Variants in DBF4 observed in about 807,000 individuals in gnomAD.
DBF4 encodes protein DBF4 homolog A.
Under a neutral mutation model 76.6 loss-of-function variants are expected in DBF4, and 25 were observed. That is an observed-to-expected ratio of 0.33 (90% CI 0.24 to 0.46). The LOEUF (loss-of-function observed/expected upper bound fraction) is 0.46. Ranked by LOEUF, DBF4 falls within the 20% of genes least tolerant of loss-of-function variation. The pLI, the probability that DBF4 is intolerant of heterozygous loss-of-function variation, is 1.00. For missense variants in DBF4, 638 were observed against 760.8 expected, an observed-to-expected ratio of 0.84 and a Z score of 1.90; for synonymous variants, 213 against 258.0, an observed-to-expected ratio of 0.83 and a Z score of 1.67.
intron 6 of DBF4, among the ~76,000 whole-genome samples, chr7:87,895,151 C>T (rs1259729406): frequency 6.6e-6 from 1 of 152,048 alleles, no homozygotes; most frequent in Non-Finnish European, 1.5e-5. Context: ...ACATGTTCTG[C>T]TATTGAGCTT....
intron 2 of DBF4, 150 bp downstream of exon 2, chr7:87,878,375 A>T: frequency 1.6e-6 from 1 of 643,432 alleles, no homozygotes; most frequent in Non-Finnish European, 2.6e-6. Context: ...ACAAAAAACC[A>T]TTTGTTTTAA....
intron 8 of DBF4, 117 bp downstream of exon 8, chr7:87,897,456 A>T (rs1839670599): frequency 1.9e-5 from 17 of 879,194 alleles, no homozygotes; most frequent in Non-Finnish European, 2.9e-5. Flanking sequence ...GATTTATATT[A>T]TACTAATGTG....
Position 87,891,882 on chromosome 7 carries a change from T to C in DBF4, c.597+3823T>C, listed in dbSNP as rs551577109. Among the ~76,000 whole-genome samples, 3 of 152,232 alleles carry C rather than the reference T, an allele frequency of 2.0e-5. No individual in the cohort carries two copies. In the South Asian group the frequency reaches 6.2e-4, roughly 31 times the overall value. On this transcript the variant is annotated intron_variant, in intron 6 of 11. Transcript: ENST00000265728. Reference sequence around the variant, plus strand: ...TCATTGATTTGAGACCTTTCTTTTATCTTAATGCTATAAATTTTCTTTAAG... The same window carrying C: ...TCATTGATTTGAGACCTTTCTTTTACCTTAATGCTATAAATTTTCTTTAAG...
intron 11 of DBF4, 97 bp downstream of exon 11, chr7:87,904,513 T>C: frequency 1.4e-6 from 2 of 1,398,970 alleles, no homozygotes; most frequent in Non-Finnish European, 1.9e-6. Flanking sequence ...GCTGAGGCAG[T>C]TGGATCACTT....
chr7:87,887,641 G>A (rs976465412), intron 5 of DBF4, among the ~76,000 whole-genome samples: 2 of 152,164 alleles, frequency 1.3e-5, no homozygotes, highest in Non-Finnish European at 2.9e-5. Context: ...TCTTGTTGGT[G>A]GAGACTCTGC....
chr7:87,894,084 C>G (rs1215520270), intron 6 of DBF4, among the ~76,000 whole-genome samples: 1 of 152,204 alleles, frequency 6.6e-6, no homozygotes, highest in Non-Finnish European at 1.5e-5. Context: ...TCCCCACCAA[C>G]CTTTATGCCA....
chr7:87,896,637 G>T, intron 7 of DBF4, 127 bp downstream of exon 7: 1 of 770,800 alleles, frequency 1.3e-6, no homozygotes, highest in Non-Finnish European at 2.0e-6. Context: ...ATAGAACATA[G>T]ATCCTTGGTG....
intron 6 of DBF4, chr7:87,888,404 T>A: frequency 1.2e-6 from 1 of 805,786 alleles, no homozygotes; most frequent in Non-Finnish European, 1.5e-6. Flanking sequence ...TATAAATATG[T>A]ACTATCCTTT....
intron 6 of DBF4, among the ~76,000 whole-genome samples, chr7:87,892,882 T>C (rs1839529075): frequency 6.6e-6 from 1 of 152,268 alleles, no homozygotes; most frequent in Non-Finnish European, 1.5e-5. Context: ...AATTCTGTTA[T>C]GGCCATATAA....
rs769225808 is a variant in DBF4 at position 87,900,409 on chromosome 7, G to C, written c.809+60G>C. On this transcript the variant is annotated intron_variant, in intron 9 of 11. Transcript: ENST00000265728. ...CAGAATTTCATCTCAATTTTTCTTT[G>C]TAAAGATTTGAAATAGTTTCATTTA... The C allele has an allele frequency of 1.2e-4, 187 of 1,515,224 alleles. 1 individual carries two copies. Among genetic ancestry groups the C allele is most frequent in the Non-Finnish European group, 1.6e-4 (179 of 1,126,522 alleles). 93.9% of individuals were successfully genotyped at this position (1,515,224 alleles called of 1,614,324 possible).
At chr7:87,878,326 A>G in intron 2 of DBF4, 101 bp downstream of exon 2, 1 of 901,322 alleles carries the variant, frequency 1.1e-6, no homozygotes, top group Non-Finnish European at 1.7e-6. Flanking sequence ...CGCTTCTATT[A>G]GCACCAAGCT....
rs111580854 is a variant in DBF4, at chr7:87,901,811, G to A, written c.924+933G>A. ...AGCTGTTATTTGAATAATTTTTTAC[G>A]TAATAGATAGGTTTGTTTTGGTGTT... is the stretch of plus-strand genomic sequence containing the variant. On this transcript the variant is annotated intron_variant, in intron 10 of 11. Transcript: ENST00000265728. Among the ~76,000 whole-genome samples the A allele has an allele frequency of 5.3e-5, 8 of 152,236 alleles. No homozygotes were observed. The East Asian group carries it at 1.2e-3, about 22-fold the overall frequency.
At chr7:87,884,267 C>T (rs964104143) in intron 2 of DBF4, among the ~76,000 whole-genome samples, 3 of 152,152 alleles carry the variant, frequency 2.0e-5, no homozygotes, top group Non-Finnish European at 2.9e-5. Flanking sequence ...TAGTGTGTGC[C>T]TGTACTCTCA....
chr7:87,893,680 AC>A (rs536698813), intron 6 of DBF4, among the ~76,000 whole-genome samples: 91 of 152,192 alleles, frequency 6.0e-4, no homozygotes, highest in Non-Finnish European at 1.1e-3. Context: ...TTTACATAGT[AC>A]TTTTTGCAGT....
chr7:87,901,506 A>G (rs1839788619), intron 10 of DBF4, among the ~76,000 whole-genome samples: 1 of 152,220 alleles, frequency 6.6e-6, no homozygotes, highest in South Asian at 2.1e-4. Flanking sequence ...AGTGAGGGAA[A>G]ATGGTAGTCA....
In DBF4 at chr7:87,909,309, G is replaced by A. The variant is rs1418567118; in HGVS notation, c.*1146G>A. 6.6e-6 allele frequency: 1 copy of A among 152,196 alleles called. No homozygotes were observed. Among genetic ancestry groups the A allele is most frequent in the Non-Finnish European group, 1.5e-5 (1 of 68,030 alleles). The allele number at this position is 152,196 out of a possible 1,614,324, so 9.4% of individuals were successfully genotyped here. ...TCTTGTAGGAGTAAGACTACCACCA[G>A]TGACATTCAATTGGTTCTATTGCAT... On this transcript the variant is annotated 3_prime_UTR_variant, in exon 12 of 12. Coordinates refer to ENST00000265728, the MANE Select transcript of DBF4 (RefSeq NM_006716.4).
intron 11 of DBF4, 107 bp from the exon 12 acceptor site, chr7:87,907,081 G>A (rs1839929200): frequency 1.7e-6 from 2 of 1,145,538 alleles, no homozygotes; most frequent in Admixed American, 3.5e-5. Context: ...AGTTAAATAG[G>A]TTTCTTAAAG....
chr7:87,894,462 G>GAA (rs577152993), intron 6 of DBF4, among the ~76,000 whole-genome samples: 1 of 151,140 alleles, frequency 6.6e-6, no homozygotes, highest in African/African-American at 2.4e-5. Context: ...GGAAAAAAAA[G>GAA]AAAAAAAAAG....
intron 7 of DBF4, 29 bp from the exon 8 acceptor site, chr7:87,897,265 G>T: frequency 6.4e-7 from 1 of 1,563,060 alleles, no homozygotes; most frequent in Non-Finnish European, 8.6e-7. Flanking sequence ...GAATTTGCAA[G>T]TATCTAATAT....
Sources: gnomAD v4.1 joint callset for allele counts (sites outside exome capture counted in the v4.1 genomes callset) on GRCh38, gnomAD v4.1.1 for gene constraint, MANE v1.5 for transcripts, NCBI Gene and HGNC (gene_info 2026-07-23, HGNC 2026-07-21) for gene names.